Variants in HMGB1 observed in about 807,000 individuals in gnomAD.
The protein encoded by HMGB1 is high mobility group protein B1.
For missense variants in HMGB1, 79 were observed against 253.5 expected (o/e 0.31, Z 4.67); for synonymous variants, 81 against 84.0 (o/e 0.96, Z 0.19).
In HMGB1 at chr13:30,460,116, AGTTT is replaced by A. The variant is rs970557322; in HGVS notation, c.*1237_*1240del. The A allele has an allele frequency of 9.2e-5, 14 of 152,460 alleles. No homozygotes were observed. Among genetic ancestry groups the A allele is most frequent in the African/African-American group, 2.4e-4 (10 of 41,462 alleles). The allele number at this position is 152,460 out of a possible 1,614,324, so 9.4% of individuals were successfully genotyped here. A position where few individuals can be genotyped will look rare whatever the true frequency, so the allele number is the denominator to read the frequency against. ...AGCAGATAAACATGACTAATGAATGAGTTTGTTTTGTAAAGAAAAATCATTCAAA... is the reference window on the plus strand; with the variant it reads ...AGCAGATAAACATGACTAATGAATGAGTTTTGTAAAGAAAAATCATTCAAA... On this transcript the variant is annotated 3_prime_UTR_variant, in exon 5 of 5. Transcript: ENST00000341423.
At chr13:30,561,457 G>A (rs1169857224) in intron 1 of HMGB1, among the ~76,000 whole-genome samples, 1 of 152,194 alleles carries the variant, frequency 6.6e-6, no homozygotes, top group East Asian at 1.9e-4. Flanking sequence ...CATGAGAGAG[G>A]TAGGATGGTG....
chr13:30,497,775 G>A (rs1018864704), intron 1 of HMGB1, among the ~76,000 whole-genome samples: 25 of 152,122 alleles, frequency 1.6e-4, no homozygotes, highest in African/African-American at 6.0e-4. Flanking sequence ...TTGCTGCAAA[G>A]GATATGATCT....
rs557949000 is a variant in HMGB1, at chr13:30,458,087, G to C, written c.*3270C>G. 1.3e-5 allele frequency: 2 copies of C among 152,142 alleles called. No individual in the cohort carries two copies. The highest frequency in any genetic ancestry group is 4.1e-4 in the South Asian group (2 of 4,826). The allele number at this position is 152,142 out of a possible 1,614,324, so 9.4% of individuals were successfully genotyped here. A position where few individuals can be genotyped will look rare whatever the true frequency, so the allele number is the denominator to read the frequency against. ...TAATTCTAAGACTTAAGCTGTGTAC[G>C]GTGTGTGCAAATTTGCAGATACCTT... On this transcript the variant is annotated 3_prime_UTR_variant, in exon 5 of 5. Transcript: ENST00000341423.
At chr13:30,552,984 C>T (rs1466494117) in intron 1 of HMGB1, among the ~76,000 whole-genome samples, 2 of 152,282 alleles carry the variant, frequency 1.3e-5, no homozygotes, top group Middle Eastern at 6.8e-3. Flanking sequence ...CCACTTGGCA[C>T]TCAGATATGG....
intron 1 of HMGB1, among the ~76,000 whole-genome samples, chr13:30,605,665 G>A (rs1008443642): frequency 6.6e-6 from 1 of 152,226 alleles, no homozygotes; most frequent in Non-Finnish European, 1.5e-5. Flanking sequence ...GAAGGGTAGA[G>A]GTGGTAGCCA....
chr13:30,523,258 C>T (rs1888279972), intron 1 of HMGB1, among the ~76,000 whole-genome samples: 1 of 152,202 alleles, frequency 6.6e-6, no homozygotes, highest in South Asian at 2.1e-4. Context: ...ATTTTCTATT[C>T]ATGAACTATC....
At chr13:30,517,988 G>A (rs1566012708) in intron 1 of HMGB1, among the ~76,000 whole-genome samples, 1 of 152,160 alleles carries the variant, frequency 6.6e-6, no homozygotes, top group Non-Finnish European at 1.5e-5. Flanking sequence ...TGGCCAAGTT[G>A]ACTGTTAGTG....
chr13:30,572,237 CAT>C (rs777055178), intron 1 of HMGB1, among the ~76,000 whole-genome samples: 19 of 152,188 alleles, frequency 1.2e-4, no homozygotes, highest in South Asian at 6.2e-4. Flanking sequence ...TTCCCCCACA[CAT>C]GTCAGAAAAT....
intron 1 of HMGB1, among the ~76,000 whole-genome samples, chr13:30,585,848 A>G (rs894055435): frequency 9.2e-5 from 14 of 152,078 alleles, no homozygotes; most frequent in Admixed American, 6.6e-4. Flanking sequence ...AGGGGAAAAA[A>G]CTGTCCTGTC....
At chr13:30,571,007 AAT>A (rs1237915929) in intron 1 of HMGB1, among the ~76,000 whole-genome samples, 5 of 152,242 alleles carry the variant, frequency 3.3e-5, no homozygotes, top group African/African-American at 1.2e-4. Flanking sequence ...GCCTTTTAAA[AAT>A]AGTCATGTTC....
At chr13:30,580,649 T>C (rs1473181450) in intron 1 of HMGB1, among the ~76,000 whole-genome samples, 1 of 152,200 alleles carries the variant, frequency 6.6e-6, no homozygotes, top group African/African-American at 2.4e-5. Context: ...ATCATTTATA[T>C]CAGGCATTTT....
chr13:30,564,371 C>T (rs1230771912), intron 1 of HMGB1, among the ~76,000 whole-genome samples: 2 of 151,596 alleles, frequency 1.3e-5, no homozygotes, highest in Non-Finnish European at 2.9e-5. Flanking sequence ...GAGGCTGAGG[C>T]ACAAGAATCA....
chr13:30,526,961 T>G (rs1888381677), intron 1 of HMGB1, among the ~76,000 whole-genome samples: 1 of 152,224 alleles, frequency 6.6e-6, no homozygotes, highest in Non-Finnish European at 1.5e-5. Flanking sequence ...CCGCAGTGTT[T>G]TCCACACATC....
rs148132370 is a variant in HMGB1 at position 30,507,726 on chromosome 13, A to G, written c.-14-44032T>C. ...TCCCTACGCACCCATCAATTACAAGAGCCAGAGTTGGAATCCCAGCTGCTT... is the reference window on the plus strand; with the variant it reads ...TCCCTACGCACCCATCAATTACAAGGGCCAGAGTTGGAATCCCAGCTGCTT... On this transcript the variant is annotated intron_variant, in intron 1 of 4. Transcript: ENST00000405805. Among the ~76,000 whole-genome samples, 216 of 152,310 alleles carry G rather than the reference A, an allele frequency of 1.4e-3. 2 individuals are homozygous for G. The highest frequency in any genetic ancestry group is 5.0e-3 in the African/African-American group (206 of 41,574).
At chr13:30,547,411 C>G (rs569046286) in intron 1 of HMGB1, among the ~76,000 whole-genome samples, 1 of 152,310 alleles carries the variant, frequency 6.6e-6, no homozygotes, top group East Asian at 1.9e-4. Flanking sequence ...TTATTTTCAA[C>G]TGACTCAAGA....
At chr13:30,602,691 AACTCT>A (rs1213021320) in intron 1 of HMGB1, among the ~76,000 whole-genome samples, 1 of 152,232 alleles carries the variant, frequency 6.6e-6, no homozygotes, top group Non-Finnish European at 1.5e-5. Flanking sequence ...GATGTTTTAG[AACTCT>A]TCAGATTTAG....
At chr13:30,543,432 C>A in intron 1 of HMGB1, 1 of 157,152 alleles carries the variant, frequency 6.4e-6, no homozygotes, top group African/African-American at 2.4e-5. Context: ...CCGGCCTGTT[C>A]CAGGTGTTAA....
intron 1 of HMGB1, among the ~76,000 whole-genome samples, chr13:30,580,950 T>C (rs144624279): frequency 2.6e-4 from 40 of 152,260 alleles, no homozygotes; most frequent in African/African-American, 9.1e-4. Flanking sequence ...TACTGGGCAT[T>C]TTCTTTCTGG....
At chr13:30,470,387 G>A (rs529823784), upstream of HMGB1, among the ~76,000 whole-genome samples, 2 of 152,304 alleles carry the variant, frequency 1.3e-5, no homozygotes, top group East Asian at 1.9e-4. Context: ...AATAAGAAGC[G>A]AATGTTAGGA....
Sources: gnomAD v4.1 joint callset for allele counts (sites outside exome capture counted in the v4.1 genomes callset) on GRCh38, gnomAD v4.1.1 for gene constraint, MANE v1.5 for transcripts, NCBI Gene and HGNC (gene_info 2026-07-23, HGNC 2026-07-21) for gene names.